The following TTC28 variants were observed in gnomAD, a reference collection of about 807,000 sequenced individuals.
The protein encoded by TTC28 is tetratricopeptide repeat domain 28.
A neutral mutation model predicts 198.0 loss-of-function variants in TTC28; 61 were observed. That is an observed-to-expected ratio of 0.31 (90% CI 0.25 to 0.38). TTC28 has a LOEUF of 0.38. TTC28 is among the 10% of genes least tolerant of loss of function. TTC28 has a pLI of 1.00. For synonymous variants in TTC28, 1,171 were observed against 1,297.8 expected (o/e 0.90, Z 2.10); for missense variants, 2,678 against 3,164.0 (o/e 0.85, Z 3.69).
intron 5 of TTC28, among the ~76,000 whole-genome samples, chr22:28,206,871 G>A (rs536209136): frequency 1.3e-5 from 2 of 152,246 alleles, no homozygotes; most frequent in East Asian, 1.9e-4. Context: ...ACTGACTCAC[G>A]TTGTTACAGA....
At chr22:28,204,095 T>C (rs754615195) in intron 5 of TTC28, among the ~76,000 whole-genome samples, 1 of 152,092 alleles carries the variant, frequency 6.6e-6, no homozygotes, top group Non-Finnish European at 1.5e-5. Flanking sequence ...CCCCTTCCCA[T>C]AGGGGCACTC....
chr22:28,637,039 T>A (rs2051286109), intron 1 of TTC28, among the ~76,000 whole-genome samples: 1 of 146,480 alleles, frequency 6.8e-6, no homozygotes, highest in African/African-American at 2.5e-5. Context: ...GACGGAGTCT[T>A]GCTCTGTCGC....
chr22:28,249,449 T>C (rs981861575), intron 5 of TTC28, among the ~76,000 whole-genome samples: 5 of 152,198 alleles, frequency 3.3e-5, no homozygotes, highest in Non-Finnish European at 5.9e-5. Flanking sequence ...ACAGGTGATT[T>C]AAAATCTTTA....
chr22:28,079,483 C>T (rs554549457), intron 12 of TTC28, among the ~76,000 whole-genome samples: 32 of 151,954 alleles, frequency 2.1e-4, no homozygotes, highest in African/African-American at 7.7e-4. Context: ...AAACTGAAGC[C>T]CTATATCCAT....
chr22:28,104,590 T>A (rs1266586118), intron 8 of TTC28, among the ~76,000 whole-genome samples: 2 of 152,130 alleles, frequency 1.3e-5, no homozygotes, highest in African/African-American at 4.8e-5. Flanking sequence ...GGCAAATACA[T>A]TGCTATGGGA....
chr22:28,569,434 A>G (rs2050027963), intron 2 of TTC28, among the ~76,000 whole-genome samples: 1 of 152,112 alleles, frequency 6.6e-6, no homozygotes, highest in South Asian at 2.1e-4. Context: ...TTAGACAAAG[A>G]TGACAATAAC....
chr22:28,268,987 A>G (rs900040387), intron 5 of TTC28, among the ~76,000 whole-genome samples: 4 of 152,210 alleles, frequency 2.6e-5, no homozygotes, highest in African/African-American at 2.4e-5. Context: ...ATCTTTAATA[A>G]CATGCCTAAT....
At chr22:28,363,268 C>G (rs1053155514) in intron 2 of TTC28, among the ~76,000 whole-genome samples, 1 of 152,194 alleles carries the variant, frequency 6.6e-6, no homozygotes, top group African/African-American at 2.4e-5. Context: ...GGCCAGAGTA[C>G]AGCTCAGGCT....
chr22:28,015,369 AT>A (rs138677), intron 13 of TTC28, among the ~76,000 whole-genome samples: 12 of 141,530 alleles, frequency 8.5e-5, no homozygotes, highest in East Asian at 2.1e-4. Context: ...ACAGACAGTG[AT>A]TTTTTTTTTA....
intron 6 of TTC28, among the ~76,000 whole-genome samples, chr22:28,157,952 A>T (rs1406690751): frequency 9.2e-5 from 14 of 152,138 alleles, no homozygotes; most frequent in Admixed American, 9.2e-4. Flanking sequence ...AGGACATCCA[A>T]ACTAAAATGG....
In TTC28 at chr22:28,454,178, T is replaced by C. The variant is rs78801956; in HGVS notation, c.382-147535A>G. 1.8e-4 allele frequency among the ~76,000 whole-genome samples: 28 copies of C among 152,310 alleles called. No individual in the cohort carries two copies. The East Asian group carries it at 5.0e-3, about 27-fold the overall frequency. ...TCCAAATGATTACATACCCTATTAC[T>C]TTAGTTTGTCTTCTTCAAGCCACTT... On this transcript the variant is annotated intron_variant, in intron 2 of 22. Coordinates refer to ENST00000397906, the MANE Select transcript of TTC28 (RefSeq NM_001145418.2).
At chr22:28,594,985 A>G (rs2050513789) in intron 2 of TTC28, among the ~76,000 whole-genome samples, 1 of 152,210 alleles carries the variant, frequency 6.6e-6, no homozygotes, top group African/African-American at 2.4e-5. Context: ...CAGTACGGAC[A>G]TTCTTTTCTT....
rs911302233 is a variant in TTC28, at chr22:28,457,124, G to A, written c.382-150481C>T. Among the ~76,000 whole-genome samples, 3 of 152,166 alleles carry A rather than the reference G, an allele frequency of 2.0e-5. No homozygotes were observed. The East Asian group carries it at 5.8e-4, about 29-fold the overall frequency. ...AAATAAAATATGTCAGTATCTCACA[G>A]CACTCTATTCAGAACACCACGGCCC... is the stretch of plus-strand genomic sequence containing the variant. On this transcript the variant is annotated intron_variant, in intron 2 of 22. Transcript: ENST00000397906.
chr22:28,661,613 T>C (rs994987350), intron 1 of TTC28, among the ~76,000 whole-genome samples: 2 of 151,924 alleles, frequency 1.3e-5, no homozygotes, highest in Admixed American at 6.6e-5. Context: ...ACAGATAGTT[T>C]TGTTTTTTTT....
At position 28,533,372 on chromosome 22, in the gene TTC28, A is replaced by T. The variant is rs76938913; in HGVS notation, c.381+96180T>A. On this transcript the variant is annotated intron_variant, in intron 2 of 22. Transcript: ENST00000397906. ...ACAAGGGATGTGAAGGGCCTCTTCAAGGAGAACTACAAATGACCACTCAAT... is the reference window on the plus strand; with the variant it reads ...ACAAGGGATGTGAAGGGCCTCTTCATGGAGAACTACAAATGACCACTCAAT... Among the ~76,000 whole-genome samples the T allele has an allele frequency of 8.2e-3, 1,248 of 152,344 alleles. 21 individuals carry two copies. Among genetic ancestry groups the T allele is most frequent in the African/African-American group, 0.029 (1,188 of 41,580 alleles).
At chr22:28,028,348 C>T (rs1938920678) in intron 13 of TTC28, among the ~76,000 whole-genome samples, 2 of 152,356 alleles carry the variant, frequency 1.3e-5, no homozygotes, top group African/African-American at 4.8e-5. Flanking sequence ...AATTAATCTA[C>T]AGCATTGTGC....
intron 2 of TTC28, among the ~76,000 whole-genome samples, chr22:28,394,700 C>A (rs923347443): frequency 3.9e-5 from 6 of 152,176 alleles, no homozygotes; most frequent in African/African-American, 1.4e-4. Context: ...GTTTTCTATT[C>A]AGTTTCACAG....
In TTC28 at chr22:28,267,147, T is replaced by C. The variant is rs908668116; in HGVS notation, c.933+29051A>G. ...TGCATGTGGGGGACTAGTAGTGTAT[T>C]GTACTACACACTGGGCCAAGTGACC... On this transcript the variant is annotated intron_variant, in intron 5 of 22. Coordinates refer to ENST00000397906, the MANE Select transcript of TTC28 (RefSeq NM_001145418.2). Among the ~76,000 whole-genome samples the C allele has an allele frequency of 6.6e-5, 10 of 152,298 alleles. No individual in the cohort carries two copies. In the East Asian group the frequency reaches 1.7e-3, roughly 26 times the overall value.
chr22:28,235,963 C>G (rs1456043362), intron 5 of TTC28, among the ~76,000 whole-genome samples: 1 of 152,220 alleles, frequency 6.6e-6, no homozygotes, highest in Non-Finnish European at 1.5e-5. Flanking sequence ...GCAGCTACTG[C>G]TTTCTAAGAG....
Sources: allele counts gnomAD v4.1 joint callset (sites outside exome capture counted in the v4.1 genomes callset), GRCh38; gene constraint gnomAD v4.1.1; transcripts MANE v1.5; gene names NCBI Gene and HGNC (gene_info 2026-07-23, HGNC 2026-07-21).